SMG1: variants seen among roughly 807,000 people sequenced by gnomAD.
SMG1 encodes the protein SMG1 nonsense mediated mRNA decay associated PI3K related kinase.
A neutral mutation model predicts 419.9 loss-of-function variants in SMG1; 22 were observed. The ratio of observed to expected loss-of-function variants is 0.05; its 90% confidence interval spans 0.04 to 0.07. The LOEUF (loss-of-function observed/expected upper bound fraction) is 0.07. Ranked by LOEUF, SMG1 falls within the 10% of genes least tolerant of loss-of-function variation. SMG1 has a pLI of 1.00. For missense variants in SMG1, 3,185 were observed against 4,342.0 expected, an observed-to-expected ratio of 0.73 and a Z score of 7.49; for synonymous variants, 1,538 against 1,553.5, an observed-to-expected ratio of 0.99 and a Z score of 0.23.
rs375763069 is a variant in SMG1, at chr16:18,847,800, G to T, written c.5841+16C>A. On this transcript the variant is annotated intron_variant, in intron 37 of 62. Transcript: ENST00000446231. ...TCTATAAAAAATTCTTCTACAACAT[G>T]TGAGTTTCTTTGTACCTGTAATACC... The T allele has an allele frequency of 3.1e-6, 5 of 1,608,374 alleles. No homozygotes were observed. In the African/African-American group the frequency reaches 5.4e-5, roughly 17 times the overall value.
intron 1 of SMG1, among the ~76,000 whole-genome samples, chr16:18,902,494 G>T (rs1378236663): frequency 2.0e-5 from 3 of 152,108 alleles, no homozygotes; most frequent in Non-Finnish European, 2.9e-5. Flanking sequence ...CTTGAGCTCA[G>T]GAGTTTGAGA....
intron 13 of SMG1, 77 bp from the exon 14 acceptor site, chr16:18,872,701 T>C (rs1168361852): frequency 1.9e-5 from 23 of 1,213,324 alleles, no homozygotes; most frequent in Middle Eastern, 2.8e-4. Context: ...TCCTTCAAAA[T>C]AGGGGTATCT....
At chr16:18,819,905 G>A (rs1046954301) in intron 55 of SMG1, among the ~76,000 whole-genome samples, 20 of 151,930 alleles carry the variant, frequency 1.3e-4, no homozygotes, top group African/African-American at 4.6e-4. Context: ...ACAGAAGGAA[G>A]TTTCACTTTC....
At chr16:18,905,521 C>A (rs1274775602) in intron 1 of SMG1, among the ~76,000 whole-genome samples, 2 of 152,082 alleles carry the variant, frequency 1.3e-5, no homozygotes, top group Non-Finnish European at 2.9e-5. Context: ...TTTCTCAATA[C>A]CATTCTAAAG....
intron 26 of SMG1, 115 bp from the exon 27 acceptor site, chr16:18,859,818 G>A (rs1186128703): frequency 7.5e-6 from 5 of 662,278 alleles, no homozygotes; most frequent in East Asian, 2.7e-5. Flanking sequence ...AATATTTAAG[G>A]CAGTTAAACA....
In SMG1 at chr16:18,866,780, A is replaced by G; in HGVS notation, c.3196-5T>C. 1 of 1,596,954 alleles carries G rather than the reference A, an allele frequency of 6.3e-7. No individual in the cohort carries two copies. Among genetic ancestry groups the G allele is most frequent in the African/African-American group, 1.3e-5 (1 of 74,976 alleles). ...GGTTACTTCCAATTCATTCCCCTGAAAACGCATTCAGAAAAATTAGTCACC... is the reference window on the plus strand; with the variant it reads ...GGTTACTTCCAATTCATTCCCCTGAGAACGCATTCAGAAAAATTAGTCACC... On this transcript the variant is annotated splice_region_variant and splice_polypyrimidine_tract_variant and intron_variant, in intron 22 of 62. Transcript: ENST00000446231.
Position 18,858,272 on chromosome 16 carries a change from A to G in SMG1, c.4132T>C (p.Phe1378Leu), listed in dbSNP as rs1225451742. ...LSTEDCLIPL[F>L]SEALRSCKQH... The stretch of plus-strand genomic sequence containing the variant: ...TTACATGAACGTAAAGCTTCACTGA[A>G]GAGTGGAATAAGACAGTCCTGCCAG... Residue 1378 changes from phenylalanine to leucine, a missense_variant, in exon 29 of 63, where the codon TTC (phenylalanine) becomes CTC (leucine). This residue lies in a region of SMG1 where 493 missense variants were observed against 552.9 expected (regional missense o/e 0.89). Coordinates refer to ENST00000446231, the MANE Select transcript of SMG1 (RefSeq NM_015092.5). 25 of 1,602,886 alleles carry G rather than the reference A, an allele frequency of 1.6e-5. 1 individual carries two copies. Among genetic ancestry groups the G allele is most frequent in the Non-Finnish European group, 2.1e-5 (25 of 1,176,682 alleles).
intron 1 of SMG1, among the ~76,000 whole-genome samples, chr16:18,903,688 T>C (rs2037438852): frequency 1.3e-5 from 2 of 152,204 alleles, no homozygotes; most frequent in Admixed American, 1.3e-4. Flanking sequence ...GTTTCATAAC[T>C]GGCCTAAGGT....
Position 18,805,165 on chromosome 16 carries a change from G to A in SMG1, c.*4404C>T, listed in dbSNP as rs866568913. ...GTAAAAAGTAAATTAACAAGTAAGTGAAGTATGATGTTGTTGCCACTGACA... is the reference window on the plus strand; with the variant it reads ...GTAAAAAGTAAATTAACAAGTAAGTAAAGTATGATGTTGTTGCCACTGACA... On this transcript the variant is annotated 3_prime_UTR_variant, in exon 63 of 63. Coordinates refer to ENST00000446231, the MANE Select transcript of SMG1 (RefSeq NM_015092.5). The A allele has an allele frequency of 6.6e-6, 1 of 152,288 alleles. No homozygotes were observed. Among genetic ancestry groups the A allele is most frequent in the Non-Finnish European group, 1.5e-5 (1 of 68,042 alleles). 9.4% of individuals were successfully genotyped at this position (152,288 alleles called of 1,614,324 possible).
At chr16:18,819,151 A>C (rs556226468) in intron 56 of SMG1, among the ~76,000 whole-genome samples, 2 of 152,238 alleles carry the variant, frequency 1.3e-5, no homozygotes, top group African/African-American at 2.4e-5. Context: ...TTTTATTGTC[A>C]TGTGGAAAAA....
At chr16:18,864,207 T>G (rs1371058510) in intron 23 of SMG1, 63 bp from the exon 24 acceptor site, 5 of 1,373,610 alleles carry the variant, frequency 3.6e-6, no homozygotes, top group African/African-American at 1.5e-5. Context: ...TTTTTTTTTT[T>G]TTTTTGTGAT....
intron 11 of SMG1, 57 bp downstream of exon 11, chr16:18,879,438 C>T (rs557439727): frequency 3.5e-5 from 41 of 1,180,370 alleles, no homozygotes; most frequent in Non-Finnish European, 3.8e-5. Context: ...TCTTACATAT[C>T]GATTTAAGGG....
At chr16:18,921,629 G>A (rs1247646003) in intron 1 of SMG1, among the ~76,000 whole-genome samples, 2 of 151,968 alleles carry the variant, frequency 1.3e-5, no homozygotes, top group Admixed American at 1.3e-4. Flanking sequence ...CACCTAATAG[G>A]TATAAAATAT....
At chr16:18,854,606 T>C (rs745306224) in intron 30 of SMG1, 50 bp downstream of exon 30, 2 of 1,510,252 alleles carry the variant, frequency 1.3e-6, no homozygotes, top group East Asian at 2.4e-5. Flanking sequence ...AACATTCATA[T>C]ACATGATTTT....
At chr16:18,903,300 A>T (rs2037420248) in intron 1 of SMG1, among the ~76,000 whole-genome samples, 1 of 152,098 alleles carries the variant, frequency 6.6e-6, no homozygotes, top group Non-Finnish European at 1.5e-5. Flanking sequence ...TCTGATTTTA[A>T]CCTTTGTTTT....
At chr16:18,910,581 TC>T (rs2037754298) in intron 1 of SMG1, among the ~76,000 whole-genome samples, 1 of 151,892 alleles carries the variant, frequency 6.6e-6, no homozygotes, top group African/African-American at 2.4e-5. Context: ...CCCAGGCTGG[TC>T]TCCAACTCCT....
At chr16:18,905,893 T>C (rs912696318) in intron 1 of SMG1, among the ~76,000 whole-genome samples, 1 of 152,134 alleles carries the variant, frequency 6.6e-6, no homozygotes, top group Admixed American at 6.5e-5. Context: ...ATTACAGGCG[T>C]GAGGCAACAT....
At position 18,892,318 on chromosome 16, in the gene SMG1, G is replaced by C; in HGVS notation, c.449C>G (p.Ser150Trp). The stretch of plus-strand genomic sequence containing the variant: ...CCGGGTGATCCTCCGAAGAAGATTC[G>C]ACAGTCGAGACTCATCAGAATAAGA... ...SMSYSDESRL[S>W]NLLRRITRED... The change falls in exon 4 of 63, where the codon TCG becomes TGG. Residue 150 changes from serine to tryptophan, a missense_variant. Ser to Trp is a radical substitution (Grantham distance 177, BLOSUM62 -3). Transcript: ENST00000446231. 1 of 1,549,556 alleles carries C rather than the reference G, an allele frequency of 6.5e-7. No individual in the cohort carries two copies. The highest frequency in any genetic ancestry group is 8.7e-7 in the Non-Finnish European group (1 of 1,146,570).
chr16:18,884,022 G>T, intron 9 of SMG1, 48 bp downstream of exon 9: 2 of 766,296 alleles, frequency 2.6e-6, no homozygotes, highest in Non-Finnish European at 4.2e-6. Flanking sequence ...CACAATTTAA[G>T]ATTTTTTCTT....
Sources: gnomAD v4.1 joint callset for allele counts (sites outside exome capture counted in the v4.1 genomes callset) on GRCh38, gnomAD v4.1.1 for gene constraint, gnomAD v4.1.1 regional missense constraint, MANE v1.5 for transcripts, NCBI Gene and HGNC (gene_info 2026-07-23, HGNC 2026-07-21) for gene names.